The following CDH2 variants were observed in gnomAD, a reference collection of about 807,000 sequenced individuals.
The protein encoded by CDH2 is cadherin-2.
CDH2 carries 17 observed loss-of-function variants against 92.0 expected under a neutral mutation model. That is an observed-to-expected ratio of 0.18 (90% CI 0.13 to 0.28). CDH2 has a LOEUF of 0.28. Among genes scored for constraint, CDH2 ranks in the 10% least tolerant of loss-of-function variants. CDH2 has a pLI of 1.00. For synonymous variants in CDH2, 419 were observed against 415.9 expected (o/e 1.01, Z -0.09); for missense variants, 862 against 1,133.1 (o/e 0.76, Z 3.44).
chr18:28,137,901 A>T (rs2015890926), intron 2 of CDH2, among the ~76,000 whole-genome samples: 1 of 152,106 alleles, frequency 6.6e-6, no homozygotes, highest in African/African-American at 2.4e-5. Flanking sequence ...ATTGCCTGGC[A>T]TTAAGAATTC....
intron 2 of CDH2, among the ~76,000 whole-genome samples, chr18:28,030,415 A>G (rs933015675): frequency 1.3e-5 from 2 of 152,126 alleles, no homozygotes; most frequent in Non-Finnish European, 2.9e-5. Flanking sequence ...AGAGCATGGC[A>G]TGGCACAATA....
chr18:28,025,610 A>C (rs1216818097), intron 2 of CDH2, among the ~76,000 whole-genome samples: 1 of 151,026 alleles, frequency 6.6e-6, no homozygotes, highest in Non-Finnish European at 1.5e-5. Flanking sequence ...TATTATTTTT[A>C]TTAATTTTAA....
At chr18:28,103,478 TATAC>T (rs2015268478) in intron 2 of CDH2, among the ~76,000 whole-genome samples, 2 of 63,676 alleles carry the variant, frequency 3.1e-5, no homozygotes, top group African/African-American at 1.2e-4. Context: ...TATGTATATA[TATAC>T]ACACACACAC....
chr18:27,971,016 T>A (rs1052243774), intron 14 of CDH2, among the ~76,000 whole-genome samples: 1 of 152,172 alleles, frequency 6.6e-6, no homozygotes, highest in Non-Finnish European at 1.5e-5. Context: ...GGAGGATGGA[T>A]CACGAGGTCA....
In CDH2 at chr18:28,143,483, G is replaced by A. The variant is rs564256330; in HGVS notation, c.172+4190C>T. Among the ~76,000 whole-genome samples the A allele has an allele frequency of 4.5e-4, 69 of 151,874 alleles. 1 individual carries two copies. The South Asian group carries it at 0.011, about 25-fold the overall frequency. ...CCCAGGTTCTTCTGCTTGTAAACAG[G>A]TGTGTACAAAATACTAACAGTGACA... On this transcript the variant is annotated intron_variant, in intron 2 of 15. Transcript: ENST00000269141.
chr18:28,021,361 A>T (rs983293880), intron 2 of CDH2, among the ~76,000 whole-genome samples: 1 of 152,048 alleles, frequency 6.6e-6, no homozygotes, highest in Non-Finnish European at 1.5e-5. Context: ...CCAGAATATC[A>T]TAACATGGGA....
rs1568020372 is a variant in CDH2, at chr18:28,156,421, GAATGT to G, written c.61-8642_61-8638del. Among the ~76,000 whole-genome samples the G allele has an allele frequency of 1.3e-4, 19 of 149,996 alleles. 1 individual carries two copies. The highest frequency in any genetic ancestry group is 4.5e-4 in the African/African-American group (18 of 39,658). On this transcript the variant is annotated intron_variant, in intron 1 of 15. Coordinates refer to ENST00000269141, the MANE Select transcript of CDH2 (RefSeq NM_001792.5). The stretch of plus-strand genomic sequence containing the variant: ...ACAGAATGTCACCTTCCCAGGTACA[GAATGT>G]CACCTTCCCAGGTATAGCATGTCAC...
intron 2 of CDH2, among the ~76,000 whole-genome samples, chr18:28,059,547 T>TAA (rs373224994): frequency 1.2e-3 from 187 of 152,370 alleles, no homozygotes; most frequent in African/African-American, 4.3e-3. Flanking sequence ...TTAAACTCTA[T>TAA]AACTAACTTC....
At chr18:28,051,552 T>C (rs2014191155) in intron 2 of CDH2, among the ~76,000 whole-genome samples, 1 of 152,060 alleles carries the variant, frequency 6.6e-6, no homozygotes, top group Admixed American at 6.6e-5. Flanking sequence ...CTATCAGGAG[T>C]GCTGAACTTT....
intron 2 of CDH2, among the ~76,000 whole-genome samples, chr18:28,083,514 A>C (rs1462476196): frequency 6.6e-6 from 1 of 152,204 alleles, no homozygotes; most frequent in Admixed American, 6.5e-5. Flanking sequence ...TTTATGATTA[A>C]GGAAACTAAC....
intron 11 of CDH2, 121 bp from the exon 12 acceptor site, chr18:27,985,882 C>A: frequency 1.6e-6 from 1 of 633,406 alleles, no homozygotes; most frequent in Non-Finnish European, 2.7e-6. Context: ...CTTGGAAAAA[C>A]ATAGTTGCTA....
At chr18:28,146,291 T>C (rs1033549106) in intron 2 of CDH2, 3 of 152,132 alleles carry the variant, frequency 2.0e-5, no homozygotes, top group Admixed American at 2.0e-4. Flanking sequence ...CATATCAATA[T>C]ATTTTATACA....
intron 2 of CDH2, among the ~76,000 whole-genome samples, chr18:28,122,779 C>T (rs975360592): frequency 3.9e-5 from 6 of 152,198 alleles, no homozygotes; most frequent in African/African-American, 7.2e-5. Flanking sequence ...TTAATGCCTA[C>T]GAATATAAAC....
At chr18:28,132,389 T>G (rs1442667540) in intron 2 of CDH2, among the ~76,000 whole-genome samples, 1 of 152,182 alleles carries the variant, frequency 6.6e-6, no homozygotes, top group Non-Finnish European at 1.5e-5. Context: ...TTCTCTCCAC[T>G]CTGCCTGGAA....
intron 2 of CDH2, among the ~76,000 whole-genome samples, chr18:28,128,468 G>A (rs909216519): frequency 2.6e-5 from 4 of 152,030 alleles, no homozygotes; most frequent in Non-Finnish European, 4.4e-5. Context: ...CTCAGCAGGC[G>A]GATCTCAGAA....
At chr18:28,075,188 A>G (rs1024948017) in intron 2 of CDH2, among the ~76,000 whole-genome samples, 1 of 152,178 alleles carries the variant, frequency 6.6e-6, no homozygotes, top group African/African-American at 2.4e-5. Context: ...CCCACATTCT[A>G]TGGGAAGAAA....
rs527745991 is a variant in CDH2, at chr18:28,060,311, G to A, written c.173-46402C>T. Among the ~76,000 whole-genome samples, 8 of 152,006 alleles carry A rather than the reference G, an allele frequency of 5.3e-5. No individual in the cohort carries two copies. In the East Asian group the frequency reaches 9.7e-4, roughly 18 times the overall value. ...AAGCAATTCTCCTGCCTCAGCTTCC[G>A]TGTAGCTGGGACTACAGGCGCGTGC... On this transcript the variant is annotated intron_variant, in intron 2 of 15. Coordinates refer to ENST00000269141, the MANE Select transcript of CDH2 (RefSeq NM_001792.5).
intron 14 of CDH2, among the ~76,000 whole-genome samples, chr18:27,976,347 T>C (rs918860753): frequency 7.2e-5 from 11 of 152,152 alleles, no homozygotes; most frequent in African/African-American, 2.2e-4. Context: ...TTTCATAGAT[T>C]ATGAGTTCTC....
At chr18:27,986,999 T>C (rs2012255597) in intron 11 of CDH2, among the ~76,000 whole-genome samples, 1 of 152,230 alleles carries the variant, frequency 6.6e-6, no homozygotes. Flanking sequence ...AAGTCTAGCC[T>C]TGTGGCTTAA....
Sources: allele counts gnomAD v4.1 joint callset (sites outside exome capture counted in the v4.1 genomes callset), GRCh38; gene constraint gnomAD v4.1.1; transcripts MANE v1.5; gene names NCBI Gene and HGNC (gene_info 2026-07-23, HGNC 2026-07-21).